Variants in CEP170B observed in about 807,000 individuals in gnomAD.
The protein encoded by CEP170B is centrosomal protein 170B.
In CEP170B, 55 loss-of-function variants were observed where a neutral mutation model predicts 120.6. The ratio of observed to expected loss-of-function variants is 0.46; its 90% CI spans 0.37 to 0.57. CEP170B has a LOEUF of 0.57. Ranked by LOEUF, CEP170B falls within the 20% of genes least tolerant of loss-of-function variation. The pLI is 0.00. For missense variants in CEP170B, 2,212 were observed against 2,253.3 expected (o/e 0.98, Z 0.37); for synonymous variants, 1,033 against 954.5 (o/e 1.08, Z -1.52).
At chr14:104,876,523 C>T (rs1895859410) in intron 3 of CEP170B, among the ~76,000 whole-genome samples, 178 bp downstream of exon 3, 1 of 151,102 alleles carries the variant, frequency 6.6e-6, no homozygotes, top group Non-Finnish European at 1.5e-5. Context: ...CTGGCCCCTC[C>T]TTCTCAGCTC....
chr14:104,877,826 G>GCCC, intron 3 of CEP170B, 59 bp from the exon 4 acceptor site: 4 of 534,420 alleles, frequency 7.5e-6, no homozygotes, highest in Non-Finnish European at 1.1e-5. Context: ...CTGCGGCCCT[G>GCCC]CCCACAGCCA....
chr14:104,890,363 TGAGTGGGTGGG>T (rs1566873115), intron 13 of CEP170B, among the ~76,000 whole-genome samples: 3 of 108,160 alleles, frequency 2.8e-5, no homozygotes, highest in Non-Finnish European at 4.0e-5. Flanking sequence ...GATGGATGGA[TGAGTGGGTGGG>T]TGGATGGATG....
intron 8 of CEP170B, 102 bp downstream of exon 8, chr14:104,883,610 G>A: frequency 7.8e-7 from 1 of 1,287,158 alleles, no homozygotes; most frequent in Non-Finnish European, 1.0e-6. Context: ...ATTCAGCTGG[G>A]TTGACTTCCC....
rs544068868 is a variant in CEP170B, at chr14:104,873,773, G to A, written c.106-2483G>A. ...ACCTCAGCCCTTTCCAGAGGGGACAGGGGCAGTAGCTCCTTCCTTCATGCC... is the reference window on the plus strand; with the variant it reads ...ACCTCAGCCCTTTCCAGAGGGGACAAGGGCAGTAGCTCCTTCCTTCATGCC... On this transcript the variant is annotated intron_variant, in intron 2 of 18. Coordinates refer to ENST00000414716, the MANE Select transcript of CEP170B (RefSeq NM_001112726.3). Among the ~76,000 whole-genome samples the A allele has an allele frequency of 4.1e-4, 63 of 152,270 alleles. 1 individual carries two copies. The highest frequency in any genetic ancestry group is 2.8e-3 in the Admixed American group (43 of 15,300).
chr14:104,890,901 AG>A (rs1896822795), intron 13 of CEP170B, among the ~76,000 whole-genome samples: 1 of 101,216 alleles, frequency 9.9e-6, no homozygotes, highest in Admixed American at 1.1e-4. Context: ...GGGTGGATGG[AG>A]GGATGGATGG....
intron 18 of CEP170B, 31 bp from the exon 19 acceptor site, chr14:104,894,680 C>T (rs1595364017): frequency 1.3e-6 from 2 of 1,570,654 alleles, no homozygotes. Flanking sequence ...TGAACTGGAT[C>T]CGCAGCCTGA....
intron 6 of CEP170B, 137 bp downstream of exon 6, chr14:104,880,562 A>G (rs1896093580): frequency 7.6e-7 from 1 of 1,307,302 alleles, no homozygotes; most frequent in Non-Finnish European, 1.0e-6. Context: ...CTTTGCACAC[A>G]CCTACCCTTG....
In CEP170B at chr14:104,867,883, C is replaced by T. The variant is rs898926114; in HGVS notation, c.-27-541C>T. On this transcript the variant is annotated intron_variant, in intron 1 of 18. Coordinates refer to ENST00000414716, the MANE Select transcript of CEP170B (RefSeq NM_001112726.3). The surrounding 1 kb of genome is among the most constrained non-coding windows in gnomAD (Gnocchi z 5.4). The stretch of plus-strand genomic sequence containing the variant: ...GCTGACTCAGGGCCCCTGTCTCCAG[C>T]TCTGTCCCTGCTGCCCCTCACCCCA... 6.6e-6 allele frequency among the ~76,000 whole-genome samples: 1 copy of T among 152,164 alleles called. No homozygotes were observed. Among genetic ancestry groups the T allele is most frequent in the Admixed American group, 6.5e-5 (1 of 15,278 alleles).
At chr14:104,881,388 G>A (rs964652383) in intron 6 of CEP170B, among the ~76,000 whole-genome samples, 39 of 152,256 alleles carry the variant, frequency 2.6e-4, no homozygotes, top group African/African-American at 9.4e-4. Flanking sequence ...GGTCCAGGAG[G>A]GGTCACCCTG....
At chr14:104,882,373 C>T (rs1896199568) in intron 6 of CEP170B, among the ~76,000 whole-genome samples, 1 of 152,070 alleles carries the variant, frequency 6.6e-6, no homozygotes, top group Admixed American at 6.5e-5. Flanking sequence ...AAGGCCGGGG[C>T]AGGGTTGCAG....
chr14:104,892,342 G>T (rs1404306546), intron 13 of CEP170B, among the ~76,000 whole-genome samples: 1 of 152,132 alleles, frequency 6.6e-6, no homozygotes, highest in Non-Finnish European at 1.5e-5. Flanking sequence ...TGCCCCCTGG[G>T]CACATCCTAG....
At chr14:104,880,167 A>G in intron 5 of CEP170B, 120 bp from the exon 6 acceptor site, 3 of 1,350,648 alleles carry the variant, frequency 2.2e-6, no homozygotes, top group Non-Finnish European at 3.0e-6. Context: ...CATTAGGGAG[A>G]GCTTGTGACA....
chr14:104,864,710 G>A (rs1446328887), upstream of CEP170B, among the ~76,000 whole-genome samples: 2 of 152,122 alleles, frequency 1.3e-5, no homozygotes. The surrounding 1 kb of genome is among the most constrained non-coding windows in gnomAD (Gnocchi z 5.9). Flanking sequence ...TGGAGATGTC[G>A]GACATACGCC....
At chr14:104,877,853 C>T in intron 3 of CEP170B, 32 bp from the exon 4 acceptor site, 1 of 39,374 alleles carries the variant, frequency 2.5e-5, no homozygotes, top group Non-Finnish European at 7.0e-5. Context: ...CGCGCAGCTC[C>T]CCCCCCCCCC....
Position 104,894,273 on chromosome 14 carries a change from TA to T in CEP170B, c.4272-11del. 4.4e-6 allele frequency: 7 copies of T among 1,606,362 alleles called. No individual in the cohort carries two copies. The highest frequency in any genetic ancestry group is 5.1e-6 in the Non-Finnish European group (6 of 1,173,330). The stretch of plus-strand genomic sequence containing the variant: ...TTGTCCCCCCATTTCTGCCTCCCCC[TA>T]CCTCGGACAGGATCCTCTTTCAGAA... On this transcript the variant is annotated splice_polypyrimidine_tract_variant and intron_variant, in intron 16 of 18. Coordinates refer to ENST00000414716, the MANE Select transcript of CEP170B (RefSeq NM_001112726.3).
chr14:104,894,391 G>T lies in CEP170B; in HGVS notation c.4365+13G>T. The T allele has an allele frequency of 1.2e-6, 2 of 1,611,778 alleles. No individual in the cohort carries two copies. Among genetic ancestry groups the T allele is most frequent in the Non-Finnish European group, 1.7e-6 (2 of 1,178,584 alleles). ...GACATCTAACAAGGTGAGCGCTGGG[G>T]CCCCGTGCCCCTTGGCCTGCCCCCA... On this transcript the variant is annotated intron_variant, in intron 17 of 18. Coordinates refer to ENST00000414716, the MANE Select transcript of CEP170B (RefSeq NM_001112726.3).
Position 104,893,182 on chromosome 14 carries a change from G to C in CEP170B, c.4038+47G>C, listed in dbSNP as rs961185856. ...GCCCCTGTGCCAGAGCCACCCTCGA[G>C]GAGGGTCAGGCCAGGTCCCCACAGC... On this transcript the variant is annotated intron_variant, in intron 14 of 18. Coordinates refer to ENST00000414716, the MANE Select transcript of CEP170B (RefSeq NM_001112726.3). 4 of 1,575,276 alleles carry C rather than the reference G, an allele frequency of 2.5e-6. No homozygotes were observed. The South Asian group carries it at 3.5e-5, about 14-fold the overall frequency.
rs112026036 is a variant in CEP170B at position 104,880,392 on chromosome 14, A to C, written c.439A>C (p.Arg147=). The C allele has an allele frequency of 1.2e-3, 2,006 of 1,612,588 alleles. 24 individuals carry two copies. In the African/African-American group the frequency reaches 0.02, roughly 16 times the overall value. ...HTPYCEASNP[R]PEKGDRRPGT... ...ACCATACTGCGAGGCCTCGAACCCC[A>C]GGCCGGAGAAGGGGGACCGGAGACC... Residue 147 remains arginine, a synonymous_variant, in exon 6 of 19, where the codon AGG becomes CGG. Coordinates refer to ENST00000414716, the MANE Select transcript of CEP170B (RefSeq NM_001112726.3).
intron 2 of CEP170B, among the ~76,000 whole-genome samples, chr14:104,872,722 T>G (rs1464634660): frequency 6.6e-6 from 1 of 152,096 alleles, no homozygotes; most frequent in Non-Finnish European, 1.5e-5. Context: ...CGGGTGCCTG[T>G]GGCCGCCAAT....
Sources: gnomAD v4.1 joint callset for allele counts (sites outside exome capture counted in the v4.1 genomes callset) on GRCh38, gnomAD v4.1.1 for gene constraint, Gnocchi (gnomAD v3.1) non-coding constraint, MANE v1.5 for transcripts, NCBI Gene and HGNC (gene_info 2026-07-23, HGNC 2026-07-21) for gene names.